The following MMP8 variants were observed in gnomAD, a reference collection of about 807,000 sequenced individuals.
The protein encoded by MMP8 is neutrophil collagenase.
In MMP8, 67 loss-of-function variants were observed where a neutral mutation model predicts 51.2. That is an observed-to-expected ratio of 1.31 (90% CI 1.08 to 1.60). MMP8 has a LOEUF of 1.60. MMP8 is among the 40% of genes most tolerant of loss of function. The pLI is 0.00. For synonymous variants in MMP8, 225 were observed against 191.0 expected (o/e 1.18, Z -1.47); for missense variants, 654 against 558.1 (o/e 1.17, Z -1.73).
intron 5 of MMP8, among the ~76,000 whole-genome samples, chr11:102,718,028 A>G (rs969653351): frequency 6.6e-6 from 1 of 152,002 alleles, no homozygotes; most frequent in Non-Finnish European, 1.5e-5. Context: ...AATTGCTTGA[A>G]CTTGGGAGGC....
At chr11:102,713,716 C>A in intron 9 of MMP8, 38 bp downstream of exon 9, 1 of 1,516,822 alleles carries the variant, frequency 6.6e-7, no homozygotes, top group South Asian at 1.2e-5. Context: ...AATAAACAAA[C>A]AAACAACACA....
intron 7 of MMP8, 39 bp from the exon 8 acceptor site, chr11:102,714,748 C>T: frequency 3.1e-6 from 3 of 976,948 alleles, no homozygotes; most frequent in Non-Finnish European, 4.0e-6. Context: ...TACGACTTTT[C>T]CATTTTTACA....
intron 9 of MMP8, 77 bp downstream of exon 9, chr11:102,713,677 T>C: frequency 7.9e-7 from 1 of 1,268,796 alleles, no homozygotes; most frequent in Non-Finnish European, 1.1e-6. Flanking sequence ...ACTAACCTGG[T>C]CAGCATAGTA....
At position 102,714,762 on chromosome 11, in the gene MMP8, TTATATATATATATATATATATA is replaced by T. The variant is rs58774554; in HGVS notation, c.1037-75_1037-54del. 2.8e-4 allele frequency: 49 copies of T among 176,642 alleles called. 1 individual carries two copies. The highest frequency in any genetic ancestry group is 1.0e-3 in the East Asian group (4 of 3,932). 10.9% of individuals were successfully genotyped at this position (176,642 alleles called of 1,614,324 possible). On this transcript the variant is annotated intron_variant, in intron 7 of 9. Transcript: ENST00000236826. The stretch of plus-strand genomic sequence containing the variant: ...ATACGACTTTTCCATTTTTACAAAA[TTATATATATATATATATATATA>T]TATATATATATATATATATATACCA...
chr11:102,716,217 G>A lies in MMP8; in HGVS notation c.902+85C>T, dbSNP rs868426982. On this transcript the variant is annotated intron_variant, in intron 6 of 9. Transcript: ENST00000236826. ...CACAAGTATAGAATTCAAGGAAAAG[G>A]TGACTAACGTGTGACTTAATTTGAA... 2 of 959,086 alleles carry A rather than the reference G, an allele frequency of 2.1e-6. 1 individual carries two copies. The highest frequency in any genetic ancestry group is 3.2e-5 in the South Asian group (2 of 61,818). The allele number at this position is 959,086 out of a possible 1,614,324, so 59.4% of individuals were successfully genotyped here. A position where few individuals can be genotyped will look rare whatever the true frequency, so the allele number is the denominator to read the frequency against.
rs1223822330 is a variant in MMP8 at position 102,711,906 on chromosome 11, G to A, written c.*1442C>T. On this transcript the variant is annotated 3_prime_UTR_variant, in exon 10 of 10. Coordinates refer to ENST00000236826, the MANE Select transcript of MMP8 (RefSeq NM_002424.3). ...TCTGTGGGATTTAAAAACTTCAACAGAGAAAGAAAATAGGAGGTACTAGTG... is the reference window on the plus strand; with the variant it reads ...TCTGTGGGATTTAAAAACTTCAACAAAGAAAGAAAATAGGAGGTACTAGTG... 6.6e-6 allele frequency: 1 copy of A among 152,062 alleles called. No individual in the cohort carries two copies. Among genetic ancestry groups the A allele is most frequent in the Non-Finnish European group, 1.5e-5 (1 of 68,006 alleles). 9.4% of individuals were successfully genotyped at this position (152,062 alleles called of 1,614,324 possible).
At chr11:102,717,037 C>CA (rs1278753441) in intron 5 of MMP8, among the ~76,000 whole-genome samples, 2 of 152,096 alleles carry the variant, frequency 1.3e-5, no homozygotes, top group Admixed American at 6.5e-5. Flanking sequence ...TCTGCAATCA[C>CA]AAAAAAGTTC....
Position 102,713,204 on chromosome 11 carries a change from C to T in MMP8, c.*144G>A, listed in dbSNP as rs545394285. 1.4e-4 allele frequency: 82 copies of T among 600,554 alleles called. No homozygotes were observed. The highest frequency in any genetic ancestry group is 2.2e-4 in the Non-Finnish European group (74 of 337,584). 37.2% of individuals were successfully genotyped at this position (600,554 alleles called of 1,614,324 possible). A position where few individuals can be genotyped will look rare whatever the true frequency, so the allele number is the denominator to read the frequency against. On this transcript the variant is annotated 3_prime_UTR_variant, in exon 10 of 10. Transcript: ENST00000236826. ...GTGGAATATTCCAAACATATTTTCACGGAGGACAGGTAGAATGGATACAGT... is the reference window on the plus strand; with the variant it reads ...GTGGAATATTCCAAACATATTTTCATGGAGGACAGGTAGAATGGATACAGT...
chr11:102,720,187 G>A (rs936964174), intron 4 of MMP8, among the ~76,000 whole-genome samples: 4 of 152,216 alleles, frequency 2.6e-5, no homozygotes, highest in Admixed American at 2.6e-4. Flanking sequence ...CCAAGTGGAA[G>A]TATTTGGACC....
In MMP8 at chr11:102,721,700, A is replaced by G; in HGVS notation, c.410T>C (p.Phe137Ser). 3 of 1,613,868 alleles carry G rather than the reference A, an allele frequency of 1.9e-6. No individual in the cohort carries two copies. In the South Asian group the frequency reaches 3.3e-5, roughly 18 times the overall value. ...AGGTGATGCAACACTCCAGAGTTCA[A>G]AGGCATCCTTGATAGCTCTTTCTAC... ...AEVERAIKDAFELWSVASPLI... is the reference protein window; with the variant it reads ...AEVERAIKDASELWSVASPLI... The change falls in exon 3 of 10, where the codon TTT (phenylalanine) becomes TCT (serine). Residue 137 changes from phenylalanine (F) to serine (S), a missense_variant. Physicochemically the swap from Phe to Ser is radical, Grantham distance 155. Coordinates refer to ENST00000236826, the MANE Select transcript of MMP8 (RefSeq NM_002424.3).
intron 4 of MMP8, among the ~76,000 whole-genome samples, chr11:102,719,819 T>C (rs1041718111): frequency 2.0e-5 from 3 of 152,318 alleles, no homozygotes; most frequent in South Asian, 4.1e-4. Flanking sequence ...AGAGGAGAGA[T>C]GTGTGCAAAC....
Position 102,716,474 on chromosome 11 carries a change from T to C in MMP8, c.785-55A>G, listed in dbSNP as rs188892854. The C allele has an allele frequency of 3.9e-4, 450 of 1,139,640 alleles. 1 individual carries two copies. The highest frequency in any genetic ancestry group is 1.0e-3 in the African/African-American group (61 of 60,894). The allele number at this position is 1,139,640 out of a possible 1,614,324, so 70.6% of individuals were successfully genotyped here. ...GTCTTTCTTATGAGAGTAAGTCCGG[T>C]GTGACTCTTGGGTACATCAGAGACT... On this transcript the variant is annotated intron_variant, in intron 5 of 9. Coordinates refer to ENST00000236826, the MANE Select transcript of MMP8 (RefSeq NM_002424.3).
intron 4 of MMP8, 38 bp from the exon 5 acceptor site, chr11:102,718,613 G>A (rs769526336): frequency 6.2e-7 from 1 of 1,611,712 alleles, no homozygotes; most frequent in Non-Finnish European, 8.5e-7. Context: ...GCTCAGTGTG[G>A]ATCCCAGGGT....
In MMP8 at chr11:102,724,832, T is replaced by C. The variant is rs1033806397; in HGVS notation, c.24A>G (p.Pro8=). 3.7e-6 allele frequency: 6 copies of C among 1,610,358 alleles called. No homozygotes were observed. The highest frequency in any genetic ancestry group is 1.7e-4 in the Middle Eastern group (1 of 6,040). MFSLKTL[P]FLLLLHVQIS... ...TCTGCACATGGAGTAAGAGCAGAAA[T>C]GGAAGCGTCTTCAGGGAGAACATGA... The change falls in exon 1 of 10, where the codon CCA becomes CCG. Residue 8 remains proline (P), a synonymous_variant. Coordinates refer to ENST00000236826, the MANE Select transcript of MMP8 (RefSeq NM_002424.3).
intron 6 of MMP8, among the ~76,000 whole-genome samples, chr11:102,715,708 A>G (rs1157016699): frequency 6.6e-6 from 1 of 152,212 alleles, no homozygotes; most frequent in Admixed American, 6.5e-5. Flanking sequence ...TGGACATTGA[A>G]AAATCTTACT....
Position 102,721,387 on chromosome 11 carries a change from C to A in MMP8, c.622+14G>T, listed in dbSNP as rs1476738798. ...TTCAGAAGCTGTGTGTGGACATAAT[C>A]TTGATTAACTTACTTGCGGAGGTGT... On this transcript the variant is annotated intron_variant, in intron 4 of 9. Coordinates refer to ENST00000236826, the MANE Select transcript of MMP8 (RefSeq NM_002424.3). 1.2e-6 allele frequency: 2 copies of A among 1,612,974 alleles called. No individual in the cohort carries two copies. The highest frequency in any genetic ancestry group is 1.1e-5 in the South Asian group (1 of 91,000).
At position 102,712,162 on chromosome 11, in the gene MMP8, T is replaced by C. The variant is rs1861142097; in HGVS notation, c.*1186A>G. 1 of 152,170 alleles carries C rather than the reference T, an allele frequency of 6.6e-6. No individual in the cohort carries two copies. The highest frequency in any genetic ancestry group is 6.5e-5 in the Admixed American group (1 of 15,282). The allele number at this position is 152,170 out of a possible 1,614,324, so 9.4% of individuals were successfully genotyped here. A position where few individuals can be genotyped will look rare whatever the true frequency, so the allele number is the denominator to read the frequency against. On this transcript the variant is annotated 3_prime_UTR_variant, in exon 10 of 10. Coordinates refer to ENST00000236826, the MANE Select transcript of MMP8 (RefSeq NM_002424.3). ...TTTTATGCAGCTAACCCAAGTTATC[T>C]ATAGTGTGTGCCCTCCTGAGTACCC... is the stretch of plus-strand genomic sequence containing the variant.
At chr11:102,718,378 C>T (rs1389758102) in intron 5 of MMP8, 36 bp downstream of exon 5, 1 of 1,584,912 alleles carries the variant, frequency 6.3e-7, no homozygotes, top group African/African-American at 1.3e-5. Flanking sequence ...TTCCCAGGTC[C>T]TACCATGTAC....
intron 1 of MMP8, chr11:102,723,454 C>G (rs1036512495): frequency 4.5e-6 from 2 of 446,954 alleles, no homozygotes; most frequent in African/African-American, 2.0e-5. Context: ...GTAACTTATA[C>G]ATAAAAGGGG....
Sources: gnomAD v4.1 joint callset for allele counts (sites outside exome capture counted in the v4.1 genomes callset) on GRCh38, gnomAD v4.1.1 for gene constraint, MANE v1.5 for transcripts, NCBI Gene and HGNC (gene_info 2026-07-23, HGNC 2026-07-21) for gene names.